The following PRKN variants were observed in gnomAD, a reference collection of about 807,000 sequenced individuals.
The protein encoded by PRKN is parkin RBR E3 ubiquitin protein ligase.
PRKN carries 56 observed loss-of-function variants against 59.5 expected under a neutral mutation model. The ratio of observed to expected loss-of-function variants is 0.94; its 90% CI spans 0.76 to 1.18. PRKN has a LOEUF of 1.18. Among genes scored for constraint, PRKN ranks in the 50% most tolerant of loss-of-function variants. The pLI is 0.00. For missense variants in PRKN, 657 were observed against 596.4 expected (o/e 1.10, Z -1.06); for synonymous variants, 250 against 222.1 (o/e 1.13, Z -1.12).
intron 1 of PRKN, among the ~76,000 whole-genome samples, chr6:162,583,941 C>T (rs1434759085): frequency 6.6e-6 from 1 of 152,084 alleles, no homozygotes; most frequent in Admixed American, 6.5e-5. Context: ...TAGCTGGGCG[C>T]GGTGGCTCAC....
intron 2 of PRKN, among the ~76,000 whole-genome samples, chr6:162,393,756 G>A (rs1583493889): frequency 6.6e-6 from 1 of 152,132 alleles, no homozygotes; most frequent in Admixed American, 6.6e-5. Context: ...ATAGTTGTGT[G>A]ACCACAGGAG....
chr6:162,436,205 T>A (rs796096453), intron 2 of PRKN, among the ~76,000 whole-genome samples: 227 of 135,320 alleles, frequency 1.7e-3, no homozygotes, highest in African/African-American at 5.9e-3. Context: ...AAAAAAAAAA[T>A]TTGAATAAAT....
intron 1 of PRKN, among the ~76,000 whole-genome samples, chr6:162,464,600 G>A (rs1482769279): frequency 6.7e-6 from 1 of 148,944 alleles, no homozygotes; most frequent in Non-Finnish European, 1.5e-5. Flanking sequence ...TGGATCACGA[G>A]GTCAGGAGAT....
Position 161,429,525 on chromosome 6 carries a change from A to G in PRKN, c.1084-42648T>C, listed in dbSNP as rs978986757. 1.3e-5 allele frequency among the ~76,000 whole-genome samples: 2 copies of G among 152,118 alleles called. No homozygotes were observed. The highest frequency in any genetic ancestry group is 4.8e-5 in the African/African-American group (2 of 41,388). On this transcript the variant is annotated intron_variant, in intron 9 of 11. Coordinates refer to ENST00000366898, the MANE Select transcript of PRKN (RefSeq NM_004562.3). The surrounding 1 kb of genome is among the most constrained non-coding windows in gnomAD (Gnocchi z 4.2). The stretch of plus-strand genomic sequence containing the variant: ...GCAATGGCTAGGATGTTGCTAGAAG[A>G]AGGAAATGGAAGCAAGTTCCAGAGC...
chr6:162,338,850 CG>C, intron 2 of PRKN, among the ~76,000 whole-genome samples: 1 of 150,504 alleles, frequency 6.6e-6, no homozygotes, highest in Admixed American at 6.6e-5. Context: ...AAGTGAGGAG[CG>C]TCTCTGCCCG....
At chr6:161,805,833 G>C (rs1020153910) in intron 6 of PRKN, among the ~76,000 whole-genome samples, 1 of 152,150 alleles carries the variant, frequency 6.6e-6, no homozygotes, top group African/African-American at 2.4e-5. Flanking sequence ...GCTCCACCTT[G>C]AATAGATGCT....
At chr6:161,898,551 C>T (rs13437405) in intron 6 of PRKN, among the ~76,000 whole-genome samples, 9,107 of 152,176 alleles carry the variant, frequency 0.06, 414 homozygotes, top group East Asian at 0.22. Context: ...TATGGGAAAA[C>T]GCTGTGGCTG....
intron 3 of PRKN, among the ~76,000 whole-genome samples, chr6:162,236,196 A>C (rs1778701614): frequency 1.3e-5 from 2 of 152,170 alleles, no homozygotes; most frequent in Non-Finnish European, 2.9e-5. Flanking sequence ...CATTAATATC[A>C]CTTGTACCCG....
intron 2 of PRKN, among the ~76,000 whole-genome samples, chr6:162,374,132 T>C (rs1358496451): frequency 6.6e-6 from 1 of 152,184 alleles, no homozygotes; most frequent in Non-Finnish European, 1.5e-5. Flanking sequence ...TAGGCTAAAT[T>C]TGCTTTAACA....
intron 7 of PRKN, among the ~76,000 whole-genome samples, chr6:161,658,015 C>CAAAAA (rs60685690): frequency 5.3e-4 from 33 of 61,700 alleles, no homozygotes; most frequent in African/African-American, 9.7e-4. Context: ...GACTCTGTCT[C>CAAAAA]AAAAAAAAAA....
intron 4 of PRKN, among the ~76,000 whole-genome samples, chr6:162,082,565 AT>A (rs1168826811): frequency 6.6e-6 from 1 of 151,978 alleles, no homozygotes; most frequent in Non-Finnish European, 1.5e-5. Context: ...CCTTCAAGGA[AT>A]TTTCCTTTGC....
At chr6:162,354,762 G>A (rs1231309717) in intron 2 of PRKN, among the ~76,000 whole-genome samples, 1 of 151,862 alleles carries the variant, frequency 6.6e-6, no homozygotes, top group African/African-American at 2.4e-5. Flanking sequence ...TTTACTCTTT[G>A]TATTATTTGT....
At chr6:162,492,890 T>C (rs1046130081) in intron 1 of PRKN, among the ~76,000 whole-genome samples, 4 of 146,834 alleles carry the variant, frequency 2.7e-5, no homozygotes, top group Non-Finnish European at 4.5e-5. Context: ...GAGGCGGAGG[T>C]TGTAGTGAGC....
At chr6:161,721,749 C>T (rs1431652973) in intron 7 of PRKN, among the ~76,000 whole-genome samples, 1 of 152,066 alleles carries the variant, frequency 6.6e-6, no homozygotes, top group Non-Finnish European at 1.5e-5. Flanking sequence ...CTGCTGCCTC[C>T]CTGGGTCATG....
chr6:161,813,339 G>A (rs1791638639), intron 6 of PRKN, among the ~76,000 whole-genome samples: 1 of 152,152 alleles, frequency 6.6e-6, no homozygotes, highest in Admixed American at 6.5e-5. Context: ...AGGAGGGGAT[G>A]TCCCCAGCCT....
intron 5 of PRKN, among the ~76,000 whole-genome samples, chr6:162,037,687 C>T (rs1285828579): frequency 6.6e-6 from 1 of 152,014 alleles, no homozygotes; most frequent in Non-Finnish European, 1.5e-5. Context: ...GCTGGGACTA[C>T]AGGCACACGC....
chr6:162,005,306 G>A (rs910202043), intron 5 of PRKN, among the ~76,000 whole-genome samples: 5 of 152,184 alleles, frequency 3.3e-5, no homozygotes, highest in Non-Finnish European at 5.9e-5. Flanking sequence ...TACCAGGAAA[G>A]TTGTTCACAT....
intron 2 of PRKN, among the ~76,000 whole-genome samples, chr6:162,278,725 T>C (rs1216014758): frequency 6.6e-6 from 1 of 152,140 alleles, no homozygotes; most frequent in Non-Finnish European, 1.5e-5. Flanking sequence ...ACATCACACA[T>C]TACAGCGGCT....
At chr6:162,510,738 G>A (rs780236608) in intron 1 of PRKN, among the ~76,000 whole-genome samples, 16 of 151,986 alleles carry the variant, frequency 1.1e-4, no homozygotes, top group Non-Finnish European at 2.1e-4. Context: ...CCTGTCCAAC[G>A]TAGTGAAACC....
Sources: allele counts gnomAD v4.1 joint callset (sites outside exome capture counted in the v4.1 genomes callset), GRCh38; gene constraint gnomAD v4.1.1; non-coding constraint Gnocchi (gnomAD v3.1); transcripts MANE v1.5; gene names NCBI Gene and HGNC (gene_info 2026-07-23, HGNC 2026-07-21).